DOCK3: variants seen among roughly 807,000 people sequenced by gnomAD.
DOCK3 encodes dedicator of cytokinesis 3.
A neutral mutation model predicts 265.6 loss-of-function variants in DOCK3; 60 were observed. The ratio of observed to expected loss-of-function variants is 0.23; its 90% CI spans 0.18 to 0.28. DOCK3 has a LOEUF of 0.28. DOCK3 is among the 10% of genes least tolerant of loss of function. The pLI, the probability that DOCK3 is intolerant of heterozygous loss-of-function variation, is 1.00. For missense variants in DOCK3, 1,981 were observed against 2,594.3 expected (o/e 0.76, Z 5.14); for synonymous variants, 881 against 938.0 (o/e 0.94, Z 1.11).
intron 2 of DOCK3, among the ~76,000 whole-genome samples, chr3:50,836,390 A>T (rs1241132496): frequency 5.3e-5 from 8 of 152,234 alleles, no homozygotes; most frequent in Non-Finnish European, 4.4e-5. Context: ...TCTTCTGTGT[A>T]GGGCCAATAC....
chr3:50,823,772 G>A (rs1023427561), intron 2 of DOCK3, among the ~76,000 whole-genome samples: 8 of 152,164 alleles, frequency 5.3e-5, no homozygotes, highest in South Asian at 2.1e-4. Context: ...CCTCCCAGAC[G>A]GGGCGGCTGG....
chr3:51,282,526 G>A (rs148766848), intron 27 of DOCK3, among the ~76,000 whole-genome samples: 5 of 151,892 alleles, frequency 3.3e-5, no homozygotes, highest in South Asian at 2.1e-4. Context: ...GGTGGTGCAC[G>A]CCTGTAATCC....
At chr3:50,953,176 G>C (rs2076638492) in intron 5 of DOCK3, among the ~76,000 whole-genome samples, 1 of 151,922 alleles carries the variant, frequency 6.6e-6, no homozygotes, top group African/African-American at 2.4e-5. Flanking sequence ...GAATCAAGCA[G>C]ACTATAGGGA....
chr3:51,113,360 C>A (rs1209196292), intron 9 of DOCK3, among the ~76,000 whole-genome samples: 2 of 152,118 alleles, frequency 1.3e-5, no homozygotes, highest in South Asian at 2.1e-4. Flanking sequence ...CAGTGACTGA[C>A]CCCACAACAA....
chr3:51,180,735 C>T (rs998318676), intron 12 of DOCK3, among the ~76,000 whole-genome samples: 1 of 152,126 alleles, frequency 6.6e-6, no homozygotes, highest in African/African-American at 2.4e-5. Flanking sequence ...AAAATAAGGA[C>T]ATATCTTTGT....
intron 2 of DOCK3, among the ~76,000 whole-genome samples, chr3:50,828,472 T>C (rs903044577): frequency 2.6e-5 from 4 of 152,178 alleles, no homozygotes; most frequent in Non-Finnish European, 4.4e-5. Context: ...TGGCATGATC[T>C]TGGCTCACTG....
intron 3 of DOCK3, among the ~76,000 whole-genome samples, chr3:50,851,685 G>T (rs1263646573): frequency 2.0e-5 from 3 of 152,170 alleles, no homozygotes; most frequent in Non-Finnish European, 4.4e-5. Flanking sequence ...CTGTCTCATT[G>T]CCCTGGAGAA....
intron 5 of DOCK3, among the ~76,000 whole-genome samples, chr3:51,053,078 G>GATAGATAGATATATATAT (rs1345393303): frequency 2.3e-5 from 1 of 43,788 alleles, no homozygotes; most frequent in Non-Finnish European, 4.2e-5. Flanking sequence ...AAAAGTCAAA[G>GATAGATAGATATATATAT]ATATATATAT....
rs1445063252 is a variant in DOCK3, at chr3:50,679,105, G to A, written c.37+3805G>A. ...TGGGATTACAGGCATGAACCACTGC[G>A]CCCAGCCTTGCCTGGCTAATTTTTA... On this transcript the variant is annotated intron_variant, in intron 1 of 52. Coordinates refer to ENST00000266037, the MANE Select transcript of DOCK3 (RefSeq NM_004947.5). Among the ~76,000 whole-genome samples the A allele has an allele frequency of 3.3e-5, 5 of 152,232 alleles. No homozygotes were observed. In the East Asian group the frequency reaches 7.7e-4, roughly 24 times the overall value.
chr3:50,709,385 A>C (rs868615708), intron 1 of DOCK3, among the ~76,000 whole-genome samples: 6 of 151,674 alleles, frequency 4.0e-5, no homozygotes, highest in African/African-American at 1.5e-4. Context: ...CTGCCTTTTT[A>C]TTTCTTTTTC....
intron 27 of DOCK3, among the ~76,000 whole-genome samples, chr3:51,296,519 T>C (rs2883810): frequency 1.3e-5 from 2 of 151,032 alleles, no homozygotes; most frequent in Admixed American, 6.6e-5. Flanking sequence ...CTCTGTTGCC[T>C]GGGCTGGAGT....
At chr3:51,107,542 C>G (rs1407240937) in intron 9 of DOCK3, among the ~76,000 whole-genome samples, 1 of 152,044 alleles carries the variant, frequency 6.6e-6, no homozygotes, top group African/African-American at 2.4e-5. Flanking sequence ...CTGAAAAACA[C>G]TCTAGAAGAA....
intron 4 of DOCK3, among the ~76,000 whole-genome samples, chr3:50,891,272 A>AT (rs1249842360): frequency 6.6e-6 from 1 of 152,104 alleles, no homozygotes; most frequent in Non-Finnish European, 1.5e-5. Context: ...AGAAGAATAG[A>AT]TTTGGAGATG....
At chr3:51,016,737 TTA>T (rs376817903) in intron 5 of DOCK3, among the ~76,000 whole-genome samples, 7,621 of 10,268 alleles carry the variant, frequency 0.74, 3,647 homozygotes, top group East Asian at 0.85. Context: ...ATGATACATA[TTA>T]TATATATCAA....
chr3:50,964,526 G>A (rs2076974571), intron 5 of DOCK3, among the ~76,000 whole-genome samples: 1 of 152,104 alleles, frequency 6.6e-6, no homozygotes, highest in African/African-American at 2.4e-5. Flanking sequence ...GAAAGGAGGA[G>A]AAAAGATTAG....
chr3:50,900,084 C>G (rs2049102827), intron 4 of DOCK3, among the ~76,000 whole-genome samples: 2 of 152,134 alleles, frequency 1.3e-5, no homozygotes, highest in African/African-American at 2.4e-5. Flanking sequence ...CAACTTGGTT[C>G]CATTCTCACC....
chr3:51,067,998 A>C (rs912073114), intron 6 of DOCK3, among the ~76,000 whole-genome samples: 2 of 152,160 alleles, frequency 1.3e-5, no homozygotes, highest in Non-Finnish European at 2.9e-5. Flanking sequence ...AAAATCTTGA[A>C]GTTTAGCACA....
chr3:50,854,586 A>C, intron 3 of DOCK3, among the ~76,000 whole-genome samples: 1 of 11,628 alleles, frequency 8.6e-5, no homozygotes, highest in Non-Finnish European at 1.9e-4. Flanking sequence ...GAGCACCATC[A>C]CACCAGTTTT....
chr3:50,954,873 G>C (rs1387040795), intron 5 of DOCK3, among the ~76,000 whole-genome samples: 1 of 152,054 alleles, frequency 6.6e-6, no homozygotes, highest in Non-Finnish European at 1.5e-5. Context: ...ATTGCTTTTG[G>C]CATCTTTGTC....
Sources: gnomAD v4.1 joint callset for allele counts (sites outside exome capture counted in the v4.1 genomes callset) on GRCh38, gnomAD v4.1.1 for gene constraint, MANE v1.5 for transcripts, NCBI Gene and HGNC (gene_info 2026-07-23, HGNC 2026-07-21) for gene names.